The following VPS13B variants were observed in gnomAD, a reference collection of about 807,000 sequenced individuals.
VPS13B encodes intermembrane lipid transfer protein VPS13B.
In VPS13B, 285 loss-of-function variants were observed where a neutral mutation model predicts 426.4. The ratio of observed to expected loss-of-function variants is 0.67; its 90% CI spans 0.61 to 0.74. The LOEUF (loss-of-function observed/expected upper bound fraction) is 0.74. Among genes scored for constraint, VPS13B ranks in the 30% least tolerant of loss-of-function variants. The pLI is 0.00. For missense variants in VPS13B, 4,537 were observed against 4,782.6 expected, an observed-to-expected ratio of 0.95 and a Z score of 1.51; for synonymous variants, 1,676 against 1,676.4, an observed-to-expected ratio of 1.00 and a Z score of 0.01.
intron 35 of VPS13B, among the ~76,000 whole-genome samples, chr8:99,680,820 T>C (rs1042399987): frequency 3.3e-5 from 5 of 152,366 alleles, no homozygotes; most frequent in Admixed American, 1.3e-4. Flanking sequence ...TATCCAGTTA[T>C]ATTTCCAGTT....
At chr8:99,211,964 C>T (rs1272300180) in intron 17 of VPS13B, among the ~76,000 whole-genome samples, 1 of 146,340 alleles carries the variant, frequency 6.8e-6, no homozygotes, top group Non-Finnish European at 1.5e-5. Context: ...GTGATCTCGG[C>T]TCACTGCAAC....
intron 5 of VPS13B, among the ~76,000 whole-genome samples, chr8:99,110,474 G>A (rs562407556): frequency 6.6e-6 from 1 of 152,096 alleles, no homozygotes; most frequent in African/African-American, 2.4e-5. Flanking sequence ...GTGTCCACTA[G>A]ACCTTTCTGT....
At position 99,875,562 on chromosome 8, in the gene VPS13B, A is replaced by G. The variant is rs1817661431; in HGVS notation, c.11890A>G (p.Thr3964Ala). Residue 3964 changes from threonine to alanine, a missense_variant, in exon 62 of 62, where the codon ACT (threonine) becomes GCT (alanine). Coordinates refer to ENST00000357162, the MANE Select transcript of VPS13B (RefSeq NM_152564.5). The stretch of plus-strand genomic sequence containing the variant: ...GGTGGCTGCAGAACCTCCCCCCTCC[A>G]CTGTTAAAACATACCATTACCTGGT... ...PVVAAEPPPSTVKTYHYLVDP... is the reference protein window; with the variant it reads ...PVVAAEPPPSAVKTYHYLVDP... The G allele has an allele frequency of 1.9e-6, 3 of 1,613,952 alleles. No homozygotes were observed. Among genetic ancestry groups the G allele is most frequent in the Admixed American group, 3.3e-5 (2 of 60,000 alleles).
Position 99,640,001 on chromosome 8 carries a change from T to G in VPS13B, c.5221-1810T>G, listed in dbSNP as rs1326709872. Among the ~76,000 whole-genome samples the G allele has an allele frequency of 1.9e-3, 116 of 59,718 alleles. 1 individual carries two copies. Among genetic ancestry groups the G allele is most frequent in the African/African-American group, 8.5e-3 (113 of 13,308 alleles). The allele number at this position is 59,718 out of a possible 152,430, so 39.2% of individuals were successfully genotyped here. A position where few individuals can be genotyped will look rare whatever the true frequency, so the allele number is the denominator to read the frequency against. ...TTAAAAATAGTAATAATAATAATAA[T>G]AATAATAATAATAATAATAATAATA... On this transcript the variant is annotated intron_variant, in intron 33 of 61. Transcript: ENST00000357162.
At chr8:99,822,046 T>G in intron 50 of VPS13B, among the ~76,000 whole-genome samples, 1 of 152,218 alleles carries the variant, frequency 6.6e-6, no homozygotes, top group Non-Finnish European at 1.5e-5. Flanking sequence ...GGTATGTGCT[T>G]TTCAGCATAA....
chr8:99,130,363 AAATTATTCT>A (rs1370836552), intron 8 of VPS13B, among the ~76,000 whole-genome samples: 5 of 151,968 alleles, frequency 3.3e-5, no homozygotes, highest in African/African-American at 1.2e-4. Flanking sequence ...AGAATGTTTA[AAATTATTCT>A]TGTAATGTTC....
At chr8:99,041,048 A>C (rs2132229514) in intron 3 of VPS13B, among the ~76,000 whole-genome samples, 1 of 152,310 alleles carries the variant, frequency 6.6e-6, no homozygotes. Flanking sequence ...TTGTGATTCT[A>C]GTGGTCATGG....
intron 35 of VPS13B, among the ~76,000 whole-genome samples, chr8:99,667,395 A>C (rs1830531149): frequency 6.6e-6 from 1 of 152,250 alleles, no homozygotes; most frequent in Admixed American, 6.5e-5. Context: ...GTAATGATAA[A>C]GAAAGATGAA....
intron 51 of VPS13B, among the ~76,000 whole-genome samples, chr8:99,829,697 G>A (rs943464812): frequency 6.6e-6 from 1 of 152,182 alleles, no homozygotes; most frequent in African/African-American, 2.4e-5. Flanking sequence ...GGAATTTTCA[G>A]CCTTTTTGTG....
intron 19 of VPS13B, among the ~76,000 whole-genome samples, chr8:99,366,325 A>G (rs960497106): frequency 1.3e-5 from 2 of 152,032 alleles, no homozygotes; most frequent in Non-Finnish European, 2.9e-5. Context: ...AATTTACCAT[A>G]TATCATTATA....
rs1390834847 is a variant in VPS13B at position 99,502,823 on chromosome 8, T to C, written c.4043-13T>C. On this transcript the variant is annotated splice_polypyrimidine_tract_variant and intron_variant, in intron 26 of 61. Coordinates refer to ENST00000357162, the MANE Select transcript of VPS13B (RefSeq NM_152564.5). ...AAGACTGTGTTGATATTACTGCTTG[T>C]TTCTTATTGCAGAGGTTTGTATGGT... The C allele has an allele frequency of 6.4e-7, 1 of 1,573,548 alleles. No individual in the cohort carries two copies. The highest frequency in any genetic ancestry group is 2.2e-5 in the East Asian group (1 of 44,572).
rs528128689 is a variant in VPS13B, at chr8:99,430,224, G to T, written c.3083-1313G>T. Among the ~76,000 whole-genome samples the T allele has an allele frequency of 3.9e-5, 6 of 152,158 alleles. No homozygotes were observed. In the East Asian group the frequency reaches 1.2e-3, roughly 29 times the overall value. On this transcript the variant is annotated intron_variant, in intron 21 of 61. Transcript: ENST00000357162. The stretch of plus-strand genomic sequence containing the variant: ...ATGCCCTTAAGGTATTTTAAATATG[G>T]TATCAATGCTCATATATTAACCAAG...
intron 3 of VPS13B, among the ~76,000 whole-genome samples, chr8:99,066,260 G>A (rs1364049389): frequency 1.3e-5 from 2 of 152,174 alleles, no homozygotes; most frequent in Non-Finnish European, 2.9e-5. Flanking sequence ...TATCCTACAA[G>A]GCTACAGTAA....
rs1470605089 is a variant in VPS13B at position 99,819,869 on chromosome 8, TATTA to T, written c.8793-50_8793-47del. On this transcript the variant is annotated intron_variant, in intron 48 of 61. Transcript: ENST00000357162. ...GGAATCTTTAAACATATTTCACAAATATTAAAGTTATCATATTTCATTGAGTCTC... is the reference window on the plus strand; with the variant it reads ...GGAATCTTTAAACATATTTCACAAATAAGTTATCATATTTCATTGAGTCTC... 4.4e-6 allele frequency: 7 copies of T among 1,594,534 alleles called. No individual in the cohort carries two copies. The African/African-American group carries it at 9.4e-5, about 21-fold the overall frequency.
chr8:99,554,078 T>C (rs1824419332), intron 30 of VPS13B, among the ~76,000 whole-genome samples: 1 of 152,044 alleles, frequency 6.6e-6, no homozygotes, highest in Non-Finnish European at 1.5e-5. Context: ...AAAAGTCTGA[T>C]GAAACTTGGT....
chr8:99,748,802 A>G (rs750906732), intron 39 of VPS13B, among the ~76,000 whole-genome samples: 1 of 151,982 alleles, frequency 6.6e-6, no homozygotes, highest in Non-Finnish European at 1.5e-5. Context: ...TTCCTTTCCT[A>G]TTAAACTATT....
At position 99,429,212 on chromosome 8, in the gene VPS13B, A is replaced by G. The variant is rs76393071; in HGVS notation, c.3083-2325A>G. On this transcript the variant is annotated intron_variant, in intron 21 of 61. Transcript: ENST00000357162. ...GAGTTAATGGGTGCAGCCCACCAAC[A>G]TGGCACATATATACATATGTAACAA... Among the ~76,000 whole-genome samples the G allele has an allele frequency of 3.6e-3, 548 of 152,058 alleles. 2 individuals are homozygous for G. The highest frequency in any genetic ancestry group is 0.012 in the African/African-American group (508 of 41,456).
chr8:99,557,981 C>A (rs911204331), intron 31 of VPS13B, among the ~76,000 whole-genome samples: 1 of 151,948 alleles, frequency 6.6e-6, no homozygotes, highest in Admixed American at 6.6e-5. Context: ...TGTAACATAC[C>A]GTGGTGGTTT....
intron 3 of VPS13B, among the ~76,000 whole-genome samples, chr8:99,079,840 G>A (rs1361673035): frequency 5.3e-5 from 8 of 151,274 alleles, no homozygotes; most frequent in Non-Finnish European, 7.4e-5. Context: ...CAGGAGAATC[G>A]CTTGAACCCG....
Sources: allele counts gnomAD v4.1 joint callset (sites outside exome capture counted in the v4.1 genomes callset), GRCh38; gene constraint gnomAD v4.1.1; transcripts MANE v1.5; gene names NCBI Gene and HGNC (gene_info 2026-07-23, HGNC 2026-07-21).